The following ADARB2 variants were observed in gnomAD, a reference collection of about 807,000 sequenced individuals.
ADARB2 encodes inactive double-stranded RNA-specific editase B2.
A neutral mutation model predicts 62.2 loss-of-function variants in ADARB2; 25 were observed. The ratio of observed to expected loss-of-function variants is 0.40; its 90% CI spans 0.29 to 0.56. The LOEUF (loss-of-function observed/expected upper bound fraction) is 0.56, where lower values mean the gene tolerates loss of function less well. Among genes scored for constraint, ADARB2 ranks in the 20% least tolerant of loss-of-function variants. The pLI, the probability that ADARB2 is intolerant of heterozygous loss-of-function variation, is 0.43. For missense variants in ADARB2, 1,071 were observed against 1,077.4 expected (o/e 0.99, Z 0.08); for synonymous variants, 572 against 500.8 (o/e 1.14, Z -1.90).
Position 1,366,044 on chromosome 10 carries a change from C to CACCG in ADARB2, c.188-2131_188-2128dup, listed in dbSNP as rs2131852248. On this transcript the variant is annotated intron_variant, in intron 2 of 9. Transcript: ENST00000381312. ...ATAGGATAGGATATTATTATAAGAA[C>CACCG]ACCGACGTTCTATATTCTTCATGCA... is the stretch of plus-strand genomic sequence containing the variant. Among the ~76,000 whole-genome samples the CACCG allele has an allele frequency of 1.3e-5, 2 of 152,260 alleles. 1 individual carries two copies. Among genetic ancestry groups the CACCG allele is most frequent in the South Asian group, 4.1e-4 (2 of 4,826 alleles).
intron 3 of ADARB2, among the ~76,000 whole-genome samples, chr10:1,350,353 T>C (rs929814798): frequency 6.6e-6 from 1 of 152,104 alleles, no homozygotes; most frequent in African/African-American, 2.4e-5. Flanking sequence ...ATCTTCCTTT[T>C]CTACAGACCC....
At chr10:1,629,318 G>A (rs1372060641) in intron 1 of ADARB2, among the ~76,000 whole-genome samples, 1 of 152,128 alleles carries the variant, frequency 6.6e-6, no homozygotes, top group African/African-American at 2.4e-5. Flanking sequence ...TGAGACAAGT[G>A]TGGGTTTACT....
At chr10:1,480,542 C>CA (rs1180525883) in intron 1 of ADARB2, among the ~76,000 whole-genome samples, 2 of 152,114 alleles carry the variant, frequency 1.3e-5, no homozygotes, top group African/African-American at 4.8e-5. Flanking sequence ...ACTAAAAATA[C>CA]AAAAAATTAG....
At chr10:1,224,024 T>C (rs191386825) in intron 6 of ADARB2, among the ~76,000 whole-genome samples, 23 of 152,348 alleles carry the variant, frequency 1.5e-4, no homozygotes, top group African/African-American at 5.5e-4. Flanking sequence ...GTACCTCTGG[T>C]AGAATTCGGC....
At chr10:1,244,643 T>C (rs946371369) in intron 4 of ADARB2, among the ~76,000 whole-genome samples, 3 of 152,200 alleles carry the variant, frequency 2.0e-5, no homozygotes, top group African/African-American at 7.2e-5. Flanking sequence ...ACGCGAAGCC[T>C]GGACCGAGGG....
At chr10:1,248,684 A>C (rs1312468202) in intron 4 of ADARB2, among the ~76,000 whole-genome samples, 1 of 152,258 alleles carries the variant, frequency 6.6e-6, no homozygotes, top group Non-Finnish European at 1.5e-5. Context: ...TTTGTATAGA[A>C]GCATCACTCC....
At chr10:1,422,886 C>A (rs559174529) in intron 1 of ADARB2, among the ~76,000 whole-genome samples, 2 of 152,266 alleles carry the variant, frequency 1.3e-5, no homozygotes, top group South Asian at 2.1e-4. Context: ...ACTCTCCACT[C>A]CATTTTGCAG....
At chr10:1,574,242 C>T (rs1053342065) in intron 1 of ADARB2, among the ~76,000 whole-genome samples, 1 of 152,134 alleles carries the variant, frequency 6.6e-6, no homozygotes, top group African/African-American at 2.4e-5. Context: ...AGGAAACAGC[C>T]GGTTTGAGGG....
At chr10:1,479,513 T>C (rs369834183) in intron 1 of ADARB2, among the ~76,000 whole-genome samples, 2 of 152,128 alleles carry the variant, frequency 1.3e-5, no homozygotes, top group East Asian at 3.9e-4. Context: ...AGCTTTTGAT[T>C]GAAAACCTGT....
At chr10:1,378,565 G>A (rs920208224) in intron 2 of ADARB2, among the ~76,000 whole-genome samples, 1 of 152,068 alleles carries the variant, frequency 6.6e-6, no homozygotes, top group Non-Finnish European at 1.5e-5. Flanking sequence ...GGTTCCAGGT[G>A]AGGATAAGAT....
At chr10:1,414,187 G>T (rs566246911) in intron 1 of ADARB2, among the ~76,000 whole-genome samples, 11 of 152,340 alleles carry the variant, frequency 7.2e-5, no homozygotes, top group African/African-American at 2.4e-4. Context: ...TTTCCTTGAT[G>T]GGGGGAATAC....
intron 1 of ADARB2, among the ~76,000 whole-genome samples, chr10:1,536,973 A>T (rs1832340707): frequency 6.6e-6 from 1 of 152,264 alleles, no homozygotes; most frequent in Non-Finnish European, 1.5e-5. Context: ...GGATTGAATT[A>T]AACTAAAGAG....
At position 1,737,308 on chromosome 10, in the gene ADARB2, T is replaced by C; in HGVS notation, c.-158A>G. On this transcript the variant is annotated 5_prime_UTR_variant, in exon 1 of 10. Coordinates refer to ENST00000381312, the MANE Select transcript of ADARB2 (RefSeq NM_018702.4). ...TGAGCAGGAAAGCGCGCTCCGTCTCTCTGTCTCTCGAATTGTTCTCTATGA... is the reference window on the plus strand; with the variant it reads ...TGAGCAGGAAAGCGCGCTCCGTCTCCCTGTCTCTCGAATTGTTCTCTATGA... 1.5e-6 allele frequency: 1 copy of C among 667,006 alleles called. No individual in the cohort carries two copies. The highest frequency in any genetic ancestry group is 2.5e-6 in the Non-Finnish European group (1 of 394,228). 41.3% of individuals were successfully genotyped at this position (667,006 alleles called of 1,614,324 possible).
chr10:1,356,920 C>G (rs894634841), intron 3 of ADARB2, among the ~76,000 whole-genome samples: 1 of 152,190 alleles, frequency 6.6e-6, no homozygotes, highest in Non-Finnish European at 1.5e-5. Flanking sequence ...TCAGTCTTCT[C>G]CCTGAGTTAC....
chr10:1,630,258 C>T (rs1390553192), intron 1 of ADARB2, among the ~76,000 whole-genome samples: 3 of 152,218 alleles, frequency 2.0e-5, no homozygotes, highest in Non-Finnish European at 4.4e-5. Context: ...GCCCTCCCGA[C>T]ACTTATGTTC....
intron 1 of ADARB2, among the ~76,000 whole-genome samples, chr10:1,423,933 C>A: frequency 7.1e-6 from 1 of 140,524 alleles, no homozygotes; most frequent in Non-Finnish European, 1.5e-5. Flanking sequence ...GTAGGTCCAC[C>A]ATGTATGCAG....
intron 3 of ADARB2, among the ~76,000 whole-genome samples, chr10:1,322,149 A>G (rs569262384): frequency 1.9e-4 from 29 of 152,320 alleles, no homozygotes; most frequent in African/African-American, 2.6e-4. Flanking sequence ...TGTGTTTTTA[A>G]TGAAGCCCTT....
At chr10:1,560,472 C>CGGGTTGG (rs1564330733) in intron 1 of ADARB2, among the ~76,000 whole-genome samples, 6 of 149,962 alleles carry the variant, frequency 4.0e-5, no homozygotes, top group East Asian at 2.0e-4. Context: ...ACACGGGGGG[C>CGGGTTGG]ACCCTGGGTC....
chr10:1,186,533 G>T (rs774030978), intron 8 of ADARB2: 10 of 518,918 alleles, frequency 1.9e-5, no homozygotes, highest in African/African-American at 1.3e-4. Flanking sequence ...AGCTGGCCGG[G>T]TGTCTCCCTC....
Sources: gnomAD v4.1 joint callset for allele counts (sites outside exome capture counted in the v4.1 genomes callset) on GRCh38, gnomAD v4.1.1 for gene constraint, MANE v1.5 for transcripts, NCBI Gene and HGNC (gene_info 2026-07-23, HGNC 2026-07-21) for gene names.